Variants in AHCY observed in about 807,000 individuals in gnomAD.
The protein encoded by AHCY is S-adenosyl-L-homocysteine hydrolase.
A neutral mutation model predicts 45.4 loss-of-function variants in AHCY; 24 were observed. That is an observed-to-expected ratio of 0.53 (90% confidence interval 0.38 to 0.74). AHCY has a LOEUF of 0.74. AHCY is among the 30% of genes least tolerant of loss of function. AHCY has a pLI of 0.00. For synonymous variants in AHCY, 245 were observed against 235.1 expected, an observed-to-expected ratio of 1.04 and a Z score of -0.39; for missense variants, 449 against 594.1, an observed-to-expected ratio of 0.76 and a Z score of 2.54.
chr20:34,235,406 C>T, the AHCY span, among the ~76,000 whole-genome samples: 8 of 152,168 alleles, frequency 5.3e-5, no homozygotes, highest in Admixed American at 5.2e-4. Flanking sequence ...TGCCATTGCA[C>T]TCCAGCCTGG....
At chr20:34,258,359 T>A in the AHCY span, among the ~76,000 whole-genome samples, 2 of 150,598 alleles carry the variant, frequency 1.3e-5, no homozygotes, top group Non-Finnish European at 3.0e-5. Flanking sequence ...TTTTTTTTTT[T>A]AATAGAATCA....
At chr20:34,250,611 A>C in the AHCY span, among the ~76,000 whole-genome samples, 2 of 152,192 alleles carry the variant, frequency 1.3e-5, no homozygotes, top group African/African-American at 4.8e-5. Flanking sequence ...CAGCCTGGTC[A>C]ACATGGTGAA....
At chr20:34,269,164 C>CT in the AHCY span, 1 of 1,525,312 alleles carries the variant, frequency 6.6e-7, no homozygotes, top group East Asian at 2.6e-5. Flanking sequence ...GCCTCAACTG[C>CT]TGAGCGCCCC....
intron 1 of AHCY, among the ~76,000 whole-genome samples, chr20:34,309,325 A>T (rs774743642): frequency 2.1e-4 from 32 of 152,182 alleles, no homozygotes; most frequent in Non-Finnish European, 4.1e-4. Context: ...TTCCATACAT[A>T]CACACTTCGG....
the AHCY span, chr20:34,260,362 C>T: frequency 1.9e-6 from 3 of 1,611,784 alleles, no homozygotes; most frequent in Non-Finnish European, 2.5e-6. Flanking sequence ...CTGTCCCACT[C>T]AGGCCTCCTG....
chr20:34,308,807 C>A (rs1452470723), intron 1 of AHCY, among the ~76,000 whole-genome samples: 1 of 151,548 alleles, frequency 6.6e-6, no homozygotes, highest in African/African-American at 2.4e-5. Context: ...GCACCCACCA[C>A]GATGCCCAGC....
the AHCY span, among the ~76,000 whole-genome samples, chr20:34,251,889 T>C: frequency 6.6e-6 from 1 of 152,204 alleles, no homozygotes; most frequent in Non-Finnish European, 1.5e-5. Context: ...TGCCTGCACC[T>C]TGATCTTGGA....
Position 34,292,527 on chromosome 20 carries a change from T to C in AHCY, c.296-20A>G. The C allele has an allele frequency of 6.2e-7, 1 of 1,613,602 alleles. No individual in the cohort carries two copies. The highest frequency in any genetic ancestry group is 8.5e-7 in the Non-Finnish European group (1 of 1,179,956). On this transcript the variant is annotated intron_variant, in intron 3 of 9. Transcript: ENST00000217426. The stretch of plus-strand genomic sequence containing the variant: ...CATACACTGGAGGGTGAGTGGCACA[T>C]CAGGGCCTGGACTTCCCAACTGGTA...
At chr20:34,256,650 AT>A in the AHCY span, among the ~76,000 whole-genome samples, 1 of 152,108 alleles carries the variant, frequency 6.6e-6, no homozygotes, top group Non-Finnish European at 1.5e-5. Flanking sequence ...CTTTGTAGAA[AT>A]TCCCATTACA....
At chr20:34,287,598 G>A (rs2036230960) in intron 8 of AHCY, among the ~76,000 whole-genome samples, 1 of 151,750 alleles carries the variant, frequency 6.6e-6, no homozygotes, top group Non-Finnish European at 1.5e-5. Flanking sequence ...GACCATGTTG[G>A]CCAGGCTGGT....
the AHCY span, among the ~76,000 whole-genome samples, chr20:34,274,717 C>T: frequency 6.6e-6 from 1 of 152,054 alleles, no homozygotes; most frequent in South Asian, 2.1e-4. Flanking sequence ...GAGGCCGAGG[C>T]AGGAGGATTG....
intron 1 of AHCY, among the ~76,000 whole-genome samples, chr20:34,298,867 T>TA (rs2036675955): frequency 6.6e-6 from 1 of 152,100 alleles, no homozygotes; most frequent in Non-Finnish European, 1.5e-5. Context: ...AATAATTGCG[T>TA]AAGCTGTCTT....
chr20:34,301,236 G>C (rs2036760826), intron 1 of AHCY, among the ~76,000 whole-genome samples: 1 of 152,168 alleles, frequency 6.6e-6, no homozygotes, highest in African/African-American at 2.4e-5. Flanking sequence ...CTCCTGGGAG[G>C]GGCCCGGCTG....
upstream of AHCY, among the ~76,000 whole-genome samples, chr20:34,307,287 G>A (rs545327818): frequency 1.3e-5 from 2 of 151,524 alleles, no homozygotes; most frequent in Non-Finnish European, 2.9e-5. Context: ...ATGGGCTTTC[G>A]CCATGTTGGC....
intron 8 of AHCY, among the ~76,000 whole-genome samples, chr20:34,288,578 G>C (rs561704276): frequency 3.3e-5 from 5 of 152,142 alleles, no homozygotes; most frequent in African/African-American, 9.6e-5. Flanking sequence ...GAGGCAGGAG[G>C]ATCAGCTCCT....
rs757357954 is a variant in AHCY at position 34,290,858 on chromosome 20, G to A, written c.639C>T (p.Gly213=). 9.9e-5 allele frequency: 160 copies of A among 1,614,008 alleles called. No individual in the cohort carries two copies. Among genetic ancestry groups the A allele is most frequent in the Non-Finnish European group, 1.3e-4 (153 of 1,180,036 alleles). The change falls in exon 6 of 10, where the codon GGC becomes GGT. Residue 213 remains glycine (G), a synonymous_variant. Transcript: ENST00000217426. This position sits in a 1 kb window ranked among gnomAD's most constrained non-coding sequence, Gnocchi z 4.5. ...CATAGCCTGCTACCACCGCTACCTT[G>A]CCGGCAATCATCACATCTGTGGCCC... ...IKRATDVMIA[G]KVAVVAGYGD... is the part of the protein sequence containing the mutation.
At chr20:34,291,604 C>T (rs1175930772) in intron 4 of AHCY, 73 bp from the exon 5 acceptor site, 14 of 1,344,366 alleles carry the variant, frequency 1.0e-5, no homozygotes, top group East Asian at 4.6e-5. Context: ...ATCTTTACCC[C>T]CTAAAGCCAT....
chr20:34,285,228 C>T (rs754536345), intron 9 of AHCY, among the ~76,000 whole-genome samples: 36 of 152,182 alleles, frequency 2.4e-4, no homozygotes, highest in Non-Finnish European at 4.6e-4. Context: ...CCTGGTCCTG[C>T]CGCTCTGCTG....
At chr20:34,269,302 C>G in the AHCY span, 1 of 1,154,774 alleles carries the variant, frequency 8.7e-7, no homozygotes, top group South Asian at 1.7e-5. Flanking sequence ...TTCAGGGAGA[C>G]CTGGCTTGGG....
Sources: allele counts gnomAD v4.1 joint callset (sites outside exome capture counted in the v4.1 genomes callset), GRCh38; gene constraint gnomAD v4.1.1; non-coding constraint Gnocchi (gnomAD v3.1); transcripts MANE v1.5; gene names NCBI Gene and HGNC (gene_info 2026-07-23, HGNC 2026-07-21).